The following ESCO2 variants were observed in gnomAD, a reference collection of about 807,000 sequenced individuals.
ESCO2 encodes establishment of sister chromatid cohesion N-acetyltransferase 2.
In ESCO2, 51 loss-of-function variants were observed where a neutral mutation model predicts 61.7. The observed-to-expected ratio is 0.83, with a 90% CI of 0.66 to 1.04. The LOEUF (loss-of-function observed/expected upper bound fraction) is 1.04, where lower values mean the gene tolerates loss of function less well. ESCO2 is among the 50% of genes least tolerant of loss of function. The pLI is 0.00. For missense variants in ESCO2, 692 were observed against 686.2 expected (o/e 1.01, Z -0.09); for synonymous variants, 230 against 238.2 (o/e 0.97, Z 0.32).
At chr8:27,802,995 A>G (rs995064704) in intron 10 of ESCO2, among the ~76,000 whole-genome samples, 1 of 151,976 alleles carries the variant, frequency 6.6e-6, no homozygotes, top group African/African-American at 2.4e-5. Flanking sequence ...GGCCTCCCAA[A>G]GTGCTGGGAT....
chr8:27,784,354 CACA>C (rs1804990665), intron 5 of ESCO2, among the ~76,000 whole-genome samples: 1 of 152,102 alleles, frequency 6.6e-6, no homozygotes, highest in Non-Finnish European at 1.5e-5. Flanking sequence ...TCTTAATTTT[CACA>C]ACAACTTAGA....
At chr8:27,790,295 C>T (rs1387597402) in intron 7 of ESCO2, among the ~76,000 whole-genome samples, 1 of 152,184 alleles carries the variant, frequency 6.6e-6, no homozygotes, top group Non-Finnish European at 1.5e-5. Flanking sequence ...GTTACAAATA[C>T]ATTCTCCCTG....
intron 9 of ESCO2, among the ~76,000 whole-genome samples, chr8:27,796,377 T>A: frequency 6.6e-6 from 1 of 152,156 alleles, no homozygotes; most frequent in South Asian, 2.1e-4. Flanking sequence ...AACTCTTCAT[T>A]TTGCGAATCT....
chr8:27,777,888 T>G (rs1247538296), intron 3 of ESCO2: 1 of 152,206 alleles, frequency 6.6e-6, no homozygotes, highest in East Asian at 1.9e-4. Context: ...TATAGTCATG[T>G]CTTTCCTAAC....
At chr8:27,772,946 A>AC (rs140360928), upstream of ESCO2, among the ~76,000 whole-genome samples, 5,364 of 152,250 alleles carry the variant, frequency 0.035, 123 homozygotes, top group African/African-American at 0.063. Flanking sequence ...ACTCACCAGG[A>AC]CAATATGCCT....
At chr8:27,792,442 T>G (rs1312036884) in intron 8 of ESCO2, among the ~76,000 whole-genome samples, 1 of 152,180 alleles carries the variant, frequency 6.6e-6, no homozygotes, top group Non-Finnish European at 1.5e-5. Flanking sequence ...CCCAGGTGTC[T>G]CAATTTCTGC....
chr8:27,816,383 A>T (rs202069584), downstream of ESCO2, among the ~76,000 whole-genome samples: 516 of 48,866 alleles, frequency 0.011, no homozygotes, highest in East Asian at 0.032. Flanking sequence ...ATTTATTTTA[A>T]TTTATTTTTT....
downstream of ESCO2, chr8:27,810,230 C>G: frequency 2.0e-6 from 2 of 993,218 alleles, no homozygotes; most frequent in South Asian, 2.8e-5. Flanking sequence ...AGTCTAATAA[C>G]TACTGATAGT....
At chr8:27,780,544 TGA>T (rs1264216844) in intron 4 of ESCO2, among the ~76,000 whole-genome samples, 1 of 152,252 alleles carries the variant, frequency 6.6e-6, no homozygotes, top group African/African-American at 2.4e-5. Context: ...TCTCTAGAGT[TGA>T]GTGTTCTCAT....
chr8:27,817,282 T>A (rs557353422), downstream of ESCO2, among the ~76,000 whole-genome samples: 1 of 152,080 alleles, frequency 6.6e-6, no homozygotes, highest in East Asian at 1.9e-4. Flanking sequence ...AAACCCAGGG[T>A]TTATGGCTAC....
At chr8:27,784,644 T>C (rs1333386895) in intron 5 of ESCO2, among the ~76,000 whole-genome samples, 1 of 152,166 alleles carries the variant, frequency 6.6e-6, no homozygotes, top group Admixed American at 6.5e-5. Context: ...TCATAAAGTA[T>C]AGCTGAAGCT....
the ESCO2 span, among the ~76,000 whole-genome samples, chr8:27,819,114 T>G: frequency 6.6e-6 from 1 of 152,186 alleles, no homozygotes; most frequent in Non-Finnish European, 1.5e-5. Context: ...TTATAAAACT[T>G]TTTATCTGCT....
At chr8:27,773,168 G>A (rs1022212747), upstream of ESCO2, among the ~76,000 whole-genome samples, 1 of 152,264 alleles carries the variant, frequency 6.6e-6, no homozygotes, top group Admixed American at 6.5e-5. Context: ...GAGGCATTAA[G>A]ATAAGACCCC....
chr8:27,811,101 T>C, downstream of ESCO2: 1 of 1,613,794 alleles, frequency 6.2e-7, no homozygotes, highest in Non-Finnish European at 8.5e-7. Context: ...TTTCCATGGC[T>C]CTGTGCCAAT....
At chr8:27,783,920 T>G (rs2128953398) in intron 4 of ESCO2, 80 bp from the exon 5 acceptor site, 2 of 1,279,192 alleles carry the variant, frequency 1.6e-6, no homozygotes, top group Non-Finnish European at 2.3e-6. Context: ...TTATTTTGTC[T>G]TATTAACCTT....
At chr8:27,774,752 C>T (rs932720950) in intron 1 of ESCO2, 145 bp downstream of exon 1, 1 of 152,318 alleles carries the variant, frequency 6.6e-6, no homozygotes, top group African/African-American at 2.4e-5. Context: ...GAAGAAGCCA[C>T]TGACTCGTTC....
chr8:27,815,677 G>A, downstream of ESCO2, among the ~76,000 whole-genome samples: 1 of 152,154 alleles, frequency 6.6e-6, no homozygotes, highest in East Asian at 1.9e-4. Flanking sequence ...AGGCTAAAAA[G>A]TAGTTTTCTA....
At chr8:27,803,202 A>T in intron 10 of ESCO2, 104 bp from the exon 11 acceptor site, 1 of 1,026,508 alleles carries the variant, frequency 9.7e-7, no homozygotes, top group Admixed American at 2.0e-5. Context: ...TCACTTACTA[A>T]AAATAAGGTT....
rs1804807717 is a variant in ESCO2, at chr8:27,776,984, A to G, written c.676A>G (p.Asn226Asp). 8.7e-6 allele frequency: 14 copies of G among 1,613,286 alleles called. No individual in the cohort carries two copies. In the East Asian group the frequency reaches 2.9e-4, roughly 33 times the overall value. The change falls in exon 3 of 11, where the codon AAT (asparagine) becomes GAT (aspartate). Residue 226 changes from asparagine (N) to aspartate (D), a missense_variant. Physicochemically the swap from Asn to Asp is conservative, Grantham distance 23. Transcript: ENST00000305188. ...TTCTCTTAGAAAATCGTCCCTGGAA[A>G]ATGAGCCGTCACTGGGACGCACCCA... ...KSSLRKSSLE[N>D]EPSLGRTQKS... is the part of the protein sequence containing the mutation.
Sources: allele counts gnomAD v4.1 joint callset (sites outside exome capture counted in the v4.1 genomes callset), GRCh38; gene constraint gnomAD v4.1.1; transcripts MANE v1.5; gene names NCBI Gene and HGNC (gene_info 2026-07-23, HGNC 2026-07-21).